The following COL6A3 variants were observed in gnomAD, a reference collection of about 807,000 sequenced individuals.
COL6A3 encodes the protein collagen type VI alpha 3 chain.
COL6A3 carries 137 observed loss-of-function variants against 274.1 expected under a neutral mutation model. The observed-to-expected ratio is 0.50, with a 90% confidence interval of 0.44 to 0.58. COL6A3 has a LOEUF of 0.58. Among genes scored for constraint, COL6A3 ranks in the 20% least tolerant of loss-of-function variants. The probability of loss-of-function intolerance (pLI) is 0.00; values close to 1 mark genes in which losing one functional copy is unlikely to be tolerated. For missense variants in COL6A3, 3,950 were observed against 4,124.9 expected (o/e 0.96, Z 1.16); for synonymous variants, 1,650 against 1,650.6 (o/e 1.00, Z 0.01).
At chr2:237,350,289 G>A in intron 27 of COL6A3, 80 bp from the exon 28 acceptor site, 1 of 1,349,116 alleles carries the variant, frequency 7.4e-7, no homozygotes, top group Non-Finnish European at 1.1e-6. Context: ...TTTTGCTCTA[G>A]GTAAGGGTGC....
chr2:237,348,653 C>G lies in COL6A3; in HGVS notation c.6890G>C (p.Gly2297Ala), dbSNP rs886043576. Residue 2297 changes from glycine to alanine, a missense_variant, in exon 29 of 44, where the codon GGG becomes GCG. Gly to Ala is a moderately conservative substitution (Grantham distance 60). Coordinates refer to ENST00000295550, the MANE Select transcript of COL6A3 (RefSeq NM_004369.4). ...RGPRGETGDD[G>A]RDGVGSEGRR... ...TCCTTCACTGCCAACTCCGTCTCTCCCGTCATCTCCCTAAGAGTGGGAAAG... is the reference window on the plus strand; with the variant it reads ...TCCTTCACTGCCAACTCCGTCTCTCGCGTCATCTCCCTAAGAGTGGGAAAG... The G allele has an allele frequency of 5.0e-6, 8 of 1,614,054 alleles. No individual in the cohort carries two copies. Among genetic ancestry groups the G allele is most frequent in the Non-Finnish European group, 6.8e-6 (8 of 1,180,028 alleles).
chr2:237,350,192 T>C lies in COL6A3; in HGVS notation c.6834A>G (p.Pro2278=). The change falls in exon 28 of 44, where the codon CCA becomes CCG. Residue 2278 remains proline, a synonymous_variant. Coordinates refer to ENST00000295550, the MANE Select transcript of COL6A3 (RefSeq NM_004369.4). ...GGTTCCCGATTCCTCCTTTTGGTCC[T>C]GGCTCTCCGGGCTCACCCTAGACAT... ...PLGRKGEPGE[P]GPKGGIGNRG... 1 of 1,614,130 alleles carries C rather than the reference T, an allele frequency of 6.2e-7. No individual in the cohort carries two copies. The highest frequency in any genetic ancestry group is 8.5e-7 in the Non-Finnish European group (1 of 1,179,972).
At position 237,344,990 on chromosome 2, in the gene COL6A3, A is replaced by G; in HGVS notation, c.7163-38T>C. 1.2e-6 allele frequency: 2 copies of G among 1,614,116 alleles called. No individual in the cohort carries two copies. The highest frequency in any genetic ancestry group is 1.7e-6 in the Non-Finnish European group (2 of 1,180,000). On this transcript the variant is annotated intron_variant, in intron 34 of 43. Transcript: ENST00000295550. The surrounding 1 kb of genome is among the most constrained non-coding windows in gnomAD (Gnocchi z 4.8). Reference sequence around the variant, plus strand: ...CAAAGAGAAGAAAGGGTGAGAGACTACTCTACCATGTGAGAATTTCGAATG... The same window carrying G: ...CAAAGAGAAGAAAGGGTGAGAGACTGCTCTACCATGTGAGAATTTCGAATG...
chr2:237,405,962 G>A (rs1300761815), intron 1 of COL6A3, among the ~76,000 whole-genome samples: 1 of 151,976 alleles, frequency 6.6e-6, no homozygotes, highest in Non-Finnish European at 1.5e-5. Context: ...CCTAGATTCT[G>A]TGTCCTAAAG....
intron 23 of COL6A3, 163 bp downstream of exon 23, chr2:237,357,174 GA>G: frequency 1.3e-6 from 1 of 763,768 alleles, no homozygotes. Flanking sequence ...AAGCACCAGG[GA>G]AATTATAAGA....
At chr2:237,350,416 C>T (rs1032926614) in intron 27 of COL6A3, among the ~76,000 whole-genome samples, 3 of 152,156 alleles carry the variant, frequency 2.0e-5, no homozygotes, top group South Asian at 2.1e-4. Flanking sequence ...TTTTCACCAG[C>T]GTGGCATGGG....
At chr2:237,335,468 G>A (rs1292820119) in intron 40 of COL6A3, among the ~76,000 whole-genome samples, 1 of 152,066 alleles carries the variant, frequency 6.6e-6, no homozygotes, top group Non-Finnish European at 1.5e-5. Flanking sequence ...ATATTAAGTT[G>A]GTGCAGAGTC....
At chr2:237,351,024 G>A in intron 27 of COL6A3, 106 bp downstream of exon 27, 2 of 1,057,046 alleles carry the variant, frequency 1.9e-6, no homozygotes, top group Non-Finnish European at 3.0e-6. Context: ...GTGGGAACCA[G>A]TAGTACTGAA....
At position 237,377,208 on chromosome 2, in the gene COL6A3, A is replaced by G. The variant is rs760857131; in HGVS notation, c.2634T>C (p.Ala878=). The G allele has an allele frequency of 1.6e-5, 26 of 1,613,736 alleles. No homozygotes were observed. Among genetic ancestry groups the G allele is most frequent in the Admixed American group, 3.3e-5 (2 of 59,998 alleles). Residue 878 remains alanine (A), a synonymous_variant, in exon 7 of 44, where the codon GCT becomes GCC. Coordinates refer to ENST00000295550, the MANE Select transcript of COL6A3 (RefSeq NM_004369.4). ...VKPEGTRIAV[A]QYSDDVKVES... is the part of the protein sequence containing the mutation. ...CCACCTTGACATCATCGCTGTACTG[A>G]GCCACCGCAATTCGGGTCCCCTCTG...
intron 37 of COL6A3, 149 bp from the exon 38 acceptor site, chr2:237,341,299 A>C: frequency 1.3e-6 from 1 of 765,980 alleles, no homozygotes; most frequent in Non-Finnish European, 2.2e-6. Flanking sequence ...TAATCCCAGC[A>C]CTTTGGGAGG....
intron 37 of COL6A3, 150 bp downstream of exon 37, chr2:237,341,914 GC>G: frequency 1.4e-6 from 1 of 692,442 alleles, no homozygotes; most frequent in Non-Finnish European, 2.6e-6. Context: ...AGAAACTGCT[GC>G]AGTAGTATTT....
In COL6A3 at chr2:237,365,841, C is replaced by G; in HGVS notation, c.5695G>C (p.Glu1899Gln). 6.2e-7 allele frequency: 1 copy of G among 1,614,224 alleles called. No homozygotes were observed. The highest frequency in any genetic ancestry group is 8.5e-7 in the Non-Finnish European group (1 of 1,180,050). Residue 1899 changes from glutamate (E) to glutamine (Q), a missense_variant, in exon 12 of 44, where the codon GAG (glutamate) becomes CAG (glutamine). Glu to Gln is a conservative substitution (Grantham distance 29, BLOSUM62 2). Coordinates refer to ENST00000295550, the MANE Select transcript of COL6A3 (RefSeq NM_004369.4). ...TGGTACTCGTCAAAGTCAAAGGCCT[C>G]CACCGGGCCCGAGGGCGTGTTGGCC... ...VVANTPSGPV[E>Q]AFDFDEYQPE...
chr2:237,395,176 T>C lies in COL6A3; in HGVS notation c.120A>G (p.Ile40Met), dbSNP rs1379366909. ...ADVKNGAAAD[I>M]IFLVDSSWTI... ...TCCAAGAGGAATCCACTAGAAATAT[T>C]ATATCAGCAGCCGCACCATTTTTGA... Residue 40 changes from isoleucine (I) to methionine (M), a missense_variant, in exon 3 of 44, where the codon ATA (isoleucine) becomes ATG (methionine). Physicochemically the swap from Ile to Met is conservative, Grantham distance 10. Coordinates refer to ENST00000295550, the MANE Select transcript of COL6A3 (RefSeq NM_004369.4). 6.2e-7 allele frequency: 1 copy of C among 1,613,486 alleles called. No homozygotes were observed.
intron 43 of COL6A3, 39 bp from the exon 44 acceptor site, chr2:237,324,853 G>A: frequency 6.2e-7 from 1 of 1,608,958 alleles, no homozygotes; most frequent in Non-Finnish European, 8.5e-7. Context: ...GTGAGGTGAG[G>A]AGCCGAGAGA....
chr2:237,381,007 A>G lies in COL6A3; in HGVS notation c.1805T>C (p.Val602Ala). ...GGCTCGGAACTCAGCTGGGATGAACACCAGGGAGGAGTCGAAAGCGATCTC... is the reference window on the plus strand; with the variant it reads ...GGCTCGGAACTCAGCTGGGATGAACGCCAGGGAGGAGTCGAAAGCGATCTC... ...LEEIAFDSSL[V>A]FIPAEFRAAP... is the part of the protein sequence containing the mutation. Residue 602 changes from valine to alanine, a missense_variant, in exon 5 of 44, where the codon GTG (valine) becomes GCG (alanine). By Grantham distance (64) the Val-to-Ala change is moderately conservative. Around this residue, in one of 5 missense-constraint regions of COL6A3, gnomAD observed 1,934 missense variants for 1,984.3 expected, o/e 0.97. Coordinates refer to ENST00000295550, the MANE Select transcript of COL6A3 (RefSeq NM_004369.4). 6.2e-7 allele frequency: 1 copy of G among 1,614,190 alleles called. No individual in the cohort carries two copies. The highest frequency in any genetic ancestry group is 8.5e-7 in the Non-Finnish European group (1 of 1,180,028).
At position 237,378,918 on chromosome 2, in the gene COL6A3, T is replaced by C; in HGVS notation, c.2215A>G (p.Ile739Val). The C allele has an allele frequency of 6.2e-7, 1 of 1,614,194 alleles. No homozygotes were observed. Among genetic ancestry groups the C allele is most frequent in the African/African-American group, 1.3e-5 (1 of 75,050 alleles). The change falls in exon 6 of 44, where the codon ATC becomes GTC. Residue 739 changes from isoleucine (I) to valine (V), a missense_variant. By Grantham distance (29) the Ile-to-Val change is conservative. This residue lies in a region of COL6A3 where 1,934 missense variants were observed against 1,984.3 expected (regional missense o/e 0.97). Transcript: ENST00000295550. ...AGGAGCTGCGGCACGTGTTCACGGA[T>C]CCTGCTGCCGCCAGCTTCCGTGAAG... ...NHFTEAGGSR[I>V]REHVPQLLLL... is the part of the protein sequence containing the mutation.
chr2:237,336,137 A>T lies in COL6A3; in HGVS notation c.8963T>A (p.Met2988Lys). The change falls in exon 40 of 44, where the codon ATG becomes AAG. Residue 2988 changes from methionine (M) to lysine (K), a missense_variant and splice_region_variant. Coordinates refer to ENST00000295550, the MANE Select transcript of COL6A3 (RefSeq NM_004369.4). The stretch of plus-strand genomic sequence containing the variant: ...AGCCCTAGCAAGGGCTTTCTTACCC[A>T]TGGGCTTAGTGGTGGCTGGCTTGGT... ...AATKPATTKP[M>K]VKMSREVQVF... 4.3e-6 allele frequency: 7 copies of T among 1,613,606 alleles called. 1 individual carries two copies. The highest frequency in any genetic ancestry group is 4.0e-5 in the African/African-American group (3 of 75,066).
At chr2:237,353,025 A>G (rs2077240103) in intron 25 of COL6A3, among the ~76,000 whole-genome samples, 1 of 152,206 alleles carries the variant, frequency 6.6e-6, no homozygotes, top group South Asian at 2.1e-4. Context: ...CACACACACA[A>G]AGCTGCCTAG....
chr2:237,346,912 T>TAATC (rs2077108319), intron 31 of COL6A3, among the ~76,000 whole-genome samples: 1 of 151,878 alleles, frequency 6.6e-6, no homozygotes, highest in African/African-American at 2.4e-5. Flanking sequence ...TCAGTGTAGA[T>TAATC]AATCATCCAA....
Sources: gnomAD v4.1 joint callset for allele counts (sites outside exome capture counted in the v4.1 genomes callset) on GRCh38, gnomAD v4.1.1 for gene constraint, gnomAD v4.1.1 regional missense constraint, Gnocchi (gnomAD v3.1) non-coding constraint, MANE v1.5 for transcripts, NCBI Gene and HGNC (gene_info 2026-07-23, HGNC 2026-07-21) for gene names.